The following STXBP5L variants were observed in gnomAD, a reference collection of about 807,000 sequenced individuals.
STXBP5L encodes the protein syntaxin-binding protein 5-like.
STXBP5L carries 65 observed loss-of-function variants against 144.5 expected under a neutral mutation model. The observed-to-expected ratio is 0.45, with a 90% confidence interval of 0.37 to 0.55. The LOEUF (loss-of-function observed/expected upper bound fraction) is 0.55, where lower values mean the gene tolerates loss of function less well. STXBP5L is among the 20% of genes least tolerant of loss of function. STXBP5L has a pLI of 0.00. For missense variants in STXBP5L, 1,298 were observed against 1,405.5 expected, an observed-to-expected ratio of 0.92 and a Z score of 1.22; for synonymous variants, 505 against 469.6, an observed-to-expected ratio of 1.08 and a Z score of -0.97.
chr3:121,073,117 T>A (rs2041874234), intron 5 of STXBP5L, among the ~76,000 whole-genome samples: 1 of 152,220 alleles, frequency 6.6e-6, no homozygotes, highest in African/African-American at 2.4e-5. Context: ...GTATTTAACA[T>A]CTGGGTCTCT....
In STXBP5L at chr3:121,011,420, G is replaced by A. The variant is rs545637443; in HGVS notation, c.288-30280G>A. Among the ~76,000 whole-genome samples the A allele has an allele frequency of 6.5e-4, 98 of 151,578 alleles. 1 individual carries two copies. The highest frequency in any genetic ancestry group is 2.2e-3 in the African/African-American group (92 of 41,372). On this transcript the variant is annotated intron_variant, in intron 3 of 26. Coordinates refer to ENST00000471454, the MANE Select transcript of STXBP5L (RefSeq NM_001308330.2). ...CAAGGACAATATTTTCCCAATTTGA[G>A]CATTCTGAGATTTTCAGATAATTGG...
intron 3 of STXBP5L, among the ~76,000 whole-genome samples, chr3:121,002,444 A>G (rs1283097728): frequency 6.6e-6 from 1 of 152,138 alleles, no homozygotes; most frequent in Non-Finnish European, 1.5e-5. Context: ...TTATATATGC[A>G]TATCAGATAT....
chr3:121,060,554 C>T (rs1180598893), intron 5 of STXBP5L, among the ~76,000 whole-genome samples: 1 of 152,160 alleles, frequency 6.6e-6, no homozygotes, highest in African/African-American at 2.4e-5. Context: ...ATGATACCAG[C>T]TCCTCTTTGT....
At chr3:121,079,992 A>G (rs906734632) in intron 5 of STXBP5L, among the ~76,000 whole-genome samples, 1 of 152,160 alleles carries the variant, frequency 6.6e-6, no homozygotes, top group East Asian at 1.9e-4. Flanking sequence ...TGTTTAATAT[A>G]TTTGGGAGCT....
chr3:121,208,501 A>C (rs1316966113), intron 10 of STXBP5L, among the ~76,000 whole-genome samples: 1 of 152,166 alleles, frequency 6.6e-6, no homozygotes, highest in Admixed American at 6.5e-5. Flanking sequence ...AATACTAATA[A>C]CAAAAAAACC....
chr3:121,152,840 G>C (rs2107987424), intron 8 of STXBP5L, among the ~76,000 whole-genome samples: 1 of 152,018 alleles, frequency 6.6e-6, no homozygotes, highest in South Asian at 2.1e-4. Context: ...ATATACTTGG[G>C]TGCCTGTCAC....
At chr3:120,985,781 C>T (rs1205331172) in intron 3 of STXBP5L, among the ~76,000 whole-genome samples, 1 of 151,818 alleles carries the variant, frequency 6.6e-6, no homozygotes, top group East Asian at 1.9e-4. Context: ...TTTTTCATTT[C>T]TGACTTTAGT....
Position 121,420,690 on chromosome 3 carries a change from ATTT to A in STXBP5L, c.*1596_*1598del, listed in dbSNP as rs2047336747. On this transcript the variant is annotated 3_prime_UTR_variant, in exon 27 of 27. Coordinates refer to ENST00000471454, the MANE Select transcript of STXBP5L (RefSeq NM_001308330.2). ...TTTAATTATGGTTTTGGCTTATTGA[ATTT>A]TTGTTTATCAAGGTCTCATTGGATT... 6.6e-6 allele frequency: 1 copy of A among 152,006 alleles called. No individual in the cohort carries two copies. The highest frequency in any genetic ancestry group is 1.5e-5 in the Non-Finnish European group (1 of 67,974). 9.4% of individuals were successfully genotyped at this position (152,006 alleles called of 1,614,324 possible).
intron 9 of STXBP5L, among the ~76,000 whole-genome samples, chr3:121,177,870 A>T (rs1577125219): frequency 6.6e-6 from 1 of 152,354 alleles, no homozygotes; most frequent in South Asian, 2.1e-4. Flanking sequence ...AGAAGCAAGC[A>T]ACTGAATTGT....
intron 3 of STXBP5L, among the ~76,000 whole-genome samples, chr3:121,020,444 A>G (rs1029592247): frequency 2.0e-5 from 3 of 152,160 alleles, no homozygotes; most frequent in Non-Finnish European, 4.4e-5. Context: ...AAAGATAATC[A>G]CCTAGACACA....
chr3:121,198,273 T>G (rs889611494), intron 9 of STXBP5L, among the ~76,000 whole-genome samples: 1 of 152,252 alleles, frequency 6.6e-6, no homozygotes, highest in Admixed American at 6.5e-5. Context: ...ATATCTTTCT[T>G]AGCTGCATAA....
chr3:121,393,649 T>C (rs2046652578), intron 22 of STXBP5L, among the ~76,000 whole-genome samples: 1 of 152,242 alleles, frequency 6.6e-6, no homozygotes, highest in Non-Finnish European at 1.5e-5. Context: ...CTCCTGCATA[T>C]GGTTATACAA....
At position 120,937,407 on chromosome 3, in the gene STXBP5L, C is replaced by G. The variant is rs1710319034; in HGVS notation, c.190-17533C>G. ...CCCCACTCCACCAGAGTTTTTAACT[C>G]TCAAACTTGTTCACATTAAACCTCC... On this transcript the variant is annotated intron_variant, in intron 2 of 26. Coordinates refer to ENST00000471454, the MANE Select transcript of STXBP5L (RefSeq NM_001308330.2). Among the ~76,000 whole-genome samples, 2 of 152,048 alleles carry G rather than the reference C, an allele frequency of 1.3e-5. 1 individual carries two copies. Among genetic ancestry groups the G allele is most frequent in the South Asian group, 4.2e-4 (2 of 4,812 alleles).
intron 7 of STXBP5L, among the ~76,000 whole-genome samples, chr3:121,135,918 G>A (rs575685107): frequency 6.6e-5 from 10 of 152,112 alleles, no homozygotes; most frequent in Non-Finnish European, 1.0e-4. Context: ...AGTGGCAGGC[G>A]GGCTGTAGCT....
intron 9 of STXBP5L, among the ~76,000 whole-genome samples, chr3:121,197,205 C>T (rs548060183): frequency 1.7e-4 from 26 of 151,992 alleles, no homozygotes; most frequent in Non-Finnish European, 2.9e-5. Context: ...ATGTTATGTC[C>T]TTTTTTATGG....
At chr3:121,036,439 G>A (rs1430175948) in intron 3 of STXBP5L, among the ~76,000 whole-genome samples, 1 of 152,030 alleles carries the variant, frequency 6.6e-6, no homozygotes, top group African/African-American at 2.4e-5. Flanking sequence ...TGCAAATAGA[G>A]TTGTCTTCCT....
At chr3:121,418,196 TA>T (rs2047283026) in intron 25 of STXBP5L, 140 bp from the exon 26 acceptor site, 1 of 955,594 alleles carries the variant, frequency 1.0e-6, no homozygotes. Context: ...TCCAAATACA[TA>T]TATGACTGGA....
At chr3:121,005,216 C>G (rs572160644) in intron 3 of STXBP5L, among the ~76,000 whole-genome samples, 9 of 152,224 alleles carry the variant, frequency 5.9e-5, no homozygotes, top group Non-Finnish European at 5.9e-5. Flanking sequence ...TTAATTATTG[C>G]CTCAATTTCA....
At chr3:121,173,328 T>TAAC (rs937746456) in intron 9 of STXBP5L, among the ~76,000 whole-genome samples, 16 of 120,750 alleles carry the variant, frequency 1.3e-4, no homozygotes, top group Middle Eastern at 3.8e-3. Context: ...TAAAATATAA[T>TAAC]AATAATAATA....
Sources: allele counts gnomAD v4.1 joint callset (sites outside exome capture counted in the v4.1 genomes callset), GRCh38; gene constraint gnomAD v4.1.1; transcripts MANE v1.5; gene names NCBI Gene and HGNC (gene_info 2026-07-23, HGNC 2026-07-21).